CRCP: variants seen among roughly 807,000 people sequenced by gnomAD.
CRCP encodes the protein DNA-directed RNA polymerase III subunit RPC9.
CRCP carries 18 observed loss-of-function variants against 18.5 expected under a neutral mutation model. The observed-to-expected ratio is 0.97, with a 90% CI of 0.67 to 1.44. The LOEUF is 1.44. Ranked by LOEUF, CRCP falls within the 40% of genes most tolerant of loss-of-function variation. CRCP has a pLI of 0.00. For synonymous variants in CRCP, 53 were observed against 62.9 expected, an observed-to-expected ratio of 0.84 and a Z score of 0.75; for missense variants, 130 against 176.4, an observed-to-expected ratio of 0.74 and a Z score of 1.49.
intron 4 of CRCP, among the ~76,000 whole-genome samples, chr7:66,137,032 G>T (rs1038788714): frequency 2.0e-5 from 3 of 151,794 alleles, no homozygotes; most frequent in African/African-American, 7.3e-5. Context: ...AGTGAGCCGA[G>T]ATTGCGCCAC....
intron 4 of CRCP, 32 bp from the exon 5 acceptor site, chr7:66,145,411 C>T (rs747733275): frequency 1.7e-5 from 28 of 1,610,228 alleles, no homozygotes; most frequent in African/African-American, 5.3e-5. Flanking sequence ...TAGGGCTATG[C>T]GAGTTGTCAA....
chr7:66,151,383 C>A (rs1267726029), intron 5 of CRCP, among the ~76,000 whole-genome samples: 2 of 152,088 alleles, frequency 1.3e-5, no homozygotes, highest in Admixed American at 6.6e-5. Context: ...TCCTGGCCAA[C>A]ATGGTGAAAC....
At chr7:66,124,740 A>G (rs1787570427) in intron 1 of CRCP, among the ~76,000 whole-genome samples, 2 of 126,632 alleles carry the variant, frequency 1.6e-5, no homozygotes, top group African/African-American at 2.5e-5. Flanking sequence ...GCACACACTT[A>G]CTTTACTGAA....
intron 2 of CRCP, 147 bp downstream of exon 2, chr7:66,127,887 G>C: frequency 1.2e-6 from 1 of 844,218 alleles, no homozygotes; most frequent in East Asian, 2.6e-5. Context: ...GCTGAGGCTG[G>C]ATCACTTGAG....
At chr7:66,128,647 G>A (rs946724338) in intron 2 of CRCP, 3 of 152,060 alleles carry the variant, frequency 2.0e-5, no homozygotes, top group African/African-American at 7.2e-5. Flanking sequence ...AAAAAAGAGA[G>A]TGAGTTTAGT....
chr7:66,137,208 T>C (rs1218281724), intron 4 of CRCP, among the ~76,000 whole-genome samples: 1 of 152,208 alleles, frequency 6.6e-6, no homozygotes, highest in Non-Finnish European at 1.5e-5. Flanking sequence ...TTTTTAGATT[T>C]ATACCTATTT....
intron 2 of CRCP, among the ~76,000 whole-genome samples, chr7:66,129,197 G>A (rs1444793467): frequency 1.3e-5 from 2 of 152,178 alleles, no homozygotes; most frequent in African/African-American, 4.8e-5. Flanking sequence ...GCCGGGCAAG[G>A]TGGCGGGCGC....
chr7:66,123,555 C>T (rs1584063564), intron 1 of CRCP, among the ~76,000 whole-genome samples: 1 of 151,950 alleles, frequency 6.6e-6, no homozygotes, highest in African/African-American at 2.4e-5. Context: ...TTGAGACCAG[C>T]CTGACCAACA....
At chr7:66,116,178 C>G (rs1259072015) in intron 1 of CRCP, among the ~76,000 whole-genome samples, 2 of 152,088 alleles carry the variant, frequency 1.3e-5, no homozygotes, top group Non-Finnish European at 2.9e-5. Context: ...GTGGCGTACA[C>G]TCTCATATTG....
intron 1 of CRCP, among the ~76,000 whole-genome samples, chr7:66,117,425 G>C (rs1255758931): frequency 1.3e-5 from 2 of 152,024 alleles, no homozygotes; most frequent in Non-Finnish European, 2.9e-5. Context: ...GGTTCTCAAA[G>C]GTATGTTTCT....
At chr7:66,121,331 A>G (rs982473345) in intron 1 of CRCP, among the ~76,000 whole-genome samples, 2 of 152,146 alleles carry the variant, frequency 1.3e-5, no homozygotes, top group African/African-American at 4.8e-5. Context: ...GATTACAGGC[A>G]TGAGCCACCG....
chr7:66,145,534 T>C (rs771862205), intron 5 of CRCP, 34 bp downstream of exon 5: 2 of 1,612,198 alleles, frequency 1.2e-6, no homozygotes, highest in Non-Finnish European at 1.7e-6. Context: ...GGGAGGCTGC[T>C]GTGGGTCTGA....
At chr7:66,146,058 C>T (rs1030717555) in intron 5 of CRCP, among the ~76,000 whole-genome samples, 1 of 152,188 alleles carries the variant, frequency 6.6e-6, no homozygotes, top group African/African-American at 2.4e-5. Flanking sequence ...TTCTCTCCCC[C>T]GTGTACTGCG....
chr7:66,123,041 G>A (rs1013278440), intron 1 of CRCP, among the ~76,000 whole-genome samples: 1 of 148,866 alleles, frequency 6.7e-6, no homozygotes, highest in Non-Finnish European at 1.5e-5. Flanking sequence ...TGTAAGCTCC[G>A]CCTCCCGGGT....
intron 3 of CRCP, among the ~76,000 whole-genome samples, chr7:66,133,668 A>G (rs1302326706): frequency 6.6e-6 from 1 of 151,600 alleles, no homozygotes; most frequent in Non-Finnish European, 1.5e-5. Flanking sequence ...AAAATTGTTC[A>G]AAATATAACA....
intron 1 of CRCP, among the ~76,000 whole-genome samples, chr7:66,125,764 T>G (rs544542696): frequency 1.3e-5 from 2 of 149,440 alleles, no homozygotes; most frequent in South Asian, 4.3e-4. Context: ...TATTTGGAAA[T>G]AAAGTTGTAA....
intron 1 of CRCP, among the ~76,000 whole-genome samples, chr7:66,121,766 A>G (rs75083673): frequency 0.018 from 2,681 of 152,256 alleles, 59 homozygotes; most frequent in East Asian, 0.093. Context: ...GAAAATAGAC[A>G]TTATCCTCTG....
intron 1 of CRCP, among the ~76,000 whole-genome samples, chr7:66,121,917 G>A (rs1460930697): frequency 6.6e-6 from 1 of 152,190 alleles, no homozygotes; most frequent in African/African-American, 2.4e-5. Context: ...GCTCCCAAGA[G>A]AATGCTACAA....
intron 1 of CRCP, among the ~76,000 whole-genome samples, chr7:66,119,954 G>GGGC (rs1787384984): frequency 6.6e-6 from 1 of 152,034 alleles, no homozygotes; most frequent in Non-Finnish European, 1.5e-5. Context: ...AGGCTGAGTG[G>GGGC]GGCGGATCAT....
Sources: gnomAD v4.1 joint callset for allele counts (sites outside exome capture counted in the v4.1 genomes callset) on GRCh38, gnomAD v4.1.1 for gene constraint, MANE v1.5 for transcripts, NCBI Gene and HGNC (gene_info 2026-07-23, HGNC 2026-07-21) for gene names.